The following PTPRD variants were observed in gnomAD, a reference collection of about 807,000 sequenced individuals.
PTPRD encodes protein tyrosine phosphatase receptor type D, also known as receptor-type tyrosine-protein phosphatase delta.
A neutral mutation model predicts 214.5 loss-of-function variants in PTPRD; 34 were observed. The observed-to-expected ratio is 0.16, with a 90% CI of 0.12 to 0.21. The LOEUF (loss-of-function observed/expected upper bound fraction) is 0.21, where lower values mean the gene tolerates loss of function less well. PTPRD is among the 10% of genes least tolerant of loss of function. The pLI, the probability that PTPRD is intolerant of heterozygous loss-of-function variation, is 1.00. For missense variants in PTPRD, 2,545 were observed against 2,398.7 expected, an observed-to-expected ratio of 1.06 and a Z score of -1.27; for synonymous variants, 1,128 against 845.7, an observed-to-expected ratio of 1.33 and a Z score of -5.79.
chr9:9,206,319 T>C (rs1490706233), intron 9 of PTPRD, among the ~76,000 whole-genome samples: 1 of 152,068 alleles, frequency 6.6e-6, no homozygotes, highest in Non-Finnish European at 1.5e-5. Flanking sequence ...CATTGGAGGG[T>C]TGTGCGTAAA....
intron 5 of PTPRD, among the ~76,000 whole-genome samples, chr9:9,839,187 G>T (rs1273971744): frequency 6.6e-6 from 1 of 151,690 alleles, no homozygotes; most frequent in Non-Finnish European, 1.5e-5. Flanking sequence ...GTATAGTGTT[G>T]GAAGTTCTGG....
chr9:8,900,661 G>A (rs1055285972), intron 11 of PTPRD, among the ~76,000 whole-genome samples: 1 of 152,158 alleles, frequency 6.6e-6, no homozygotes, highest in Non-Finnish European at 1.5e-5. Context: ...TGATAGTATA[G>A]CAGTATGAGT....
intron 10 of PTPRD, among the ~76,000 whole-genome samples, chr9:9,068,338 T>C (rs1359178770): frequency 6.6e-6 from 1 of 152,162 alleles, no homozygotes; most frequent in Non-Finnish European, 1.5e-5. Context: ...TTAACATAGG[T>C]TTCCCCCTCC....
chr9:9,725,033 G>A (rs905482199), intron 7 of PTPRD, among the ~76,000 whole-genome samples: 38 of 152,246 alleles, frequency 2.5e-4, no homozygotes, highest in African/African-American at 8.2e-4. Context: ...GAAACAGGAA[G>A]ATTTCAGACT....
At position 9,808,950 on chromosome 9, in the gene PTPRD, A is replaced by AT. The variant is rs59065058; in HGVS notation, c.-367-42100dup. On this transcript the variant is annotated intron_variant, in intron 5 of 45. Coordinates refer to ENST00000381196, the MANE Select transcript of PTPRD (RefSeq NM_002839.4). ...AATGCCTGGCTAATTTTTATTTTGT[A>AT]TTTTTTTTTTTTTTTTGTAGAAACA... Among the ~76,000 whole-genome samples, 463 of 142,302 alleles carry AT rather than the reference A, an allele frequency of 3.3e-3. 1 individual carries two copies. The highest frequency in any genetic ancestry group is 5.5e-3 in the South Asian group (25 of 4,516). 93.4% of individuals were successfully genotyped at this position (142,302 alleles called of 152,430 possible).
rs930081031 is a variant in PTPRD at position 8,376,834 on chromosome 9, G to A, written c.4387-108C>T. 81 of 1,439,134 alleles carry A rather than the reference G, an allele frequency of 5.6e-5. No individual in the cohort carries two copies. In the African/African-American group the frequency reaches 1.1e-3, roughly 19 times the overall value. The allele number at this position is 1,439,134 out of a possible 1,614,324, so 89.1% of individuals were successfully genotyped here. On this transcript the variant is annotated intron_variant, in intron 37 of 45. Coordinates refer to ENST00000381196, the MANE Select transcript of PTPRD (RefSeq NM_002839.4). The stretch of plus-strand genomic sequence containing the variant: ...ACAGCTTTTCTGCACTTCATTTTAT[G>A]TTGATCTTTTTCTGGCATGCATTTT...
intron 2 of PTPRD, among the ~76,000 whole-genome samples, chr9:10,449,238 G>A (rs2098820553): frequency 1.3e-5 from 2 of 151,848 alleles, no homozygotes; most frequent in South Asian, 2.1e-4. Context: ...ACGAGGTTTC[G>A]CCGCGTTGGC....
rs146622515 is a variant in PTPRD, at chr9:10,608,310, T to C, written c.-600+4088A>G. Among the ~76,000 whole-genome samples, 197 of 152,150 alleles carry C rather than the reference T, an allele frequency of 1.3e-3. 1 individual carries two copies. Among genetic ancestry groups the C allele is most frequent in the African/African-American group, 4.4e-3 (181 of 41,546 alleles). ...AATAAAATCCAAAAATAATTATACA[T>C]GTAATATGCTCTCAGTGGCAGCAGC... is the stretch of plus-strand genomic sequence containing the variant. On this transcript the variant is annotated intron_variant, in intron 2 of 45. Coordinates refer to ENST00000381196, the MANE Select transcript of PTPRD (RefSeq NM_002839.4).
intron 23 of PTPRD, among the ~76,000 whole-genome samples, chr9:8,503,399 A>T (rs2097459908): frequency 6.6e-6 from 1 of 152,180 alleles, no homozygotes; most frequent in Non-Finnish European, 1.5e-5. Flanking sequence ...ACACAAAGAA[A>T]TCTAAGAAAA....
intron 3 of PTPRD, among the ~76,000 whole-genome samples, chr9:10,235,796 T>C (rs2099626951): frequency 6.6e-6 from 1 of 152,052 alleles, no homozygotes; most frequent in South Asian, 2.1e-4. Flanking sequence ...AATGAAATTT[T>C]AAAATGAAAA....
chr9:8,986,985 G>C (rs753489376), intron 11 of PTPRD, among the ~76,000 whole-genome samples: 1 of 151,884 alleles, frequency 6.6e-6, no homozygotes, highest in African/African-American at 2.4e-5. Context: ...CCTGTGAATT[G>C]CTTGCTTCCT....
chr9:9,110,001 C>A (rs2099803867), intron 10 of PTPRD, among the ~76,000 whole-genome samples: 2 of 152,092 alleles, frequency 1.3e-5, no homozygotes, highest in African/African-American at 4.8e-5. Context: ...AGCTTGGCAC[C>A]AAACCAGGAG....
chr9:8,435,077 C>A (rs912169944), intron 35 of PTPRD, among the ~76,000 whole-genome samples: 1 of 152,304 alleles, frequency 6.6e-6, no homozygotes, highest in East Asian at 1.9e-4. Flanking sequence ...TGCATCCTAT[C>A]AAATATGTGA....
intron 11 of PTPRD, among the ~76,000 whole-genome samples, chr9:8,944,098 G>A (rs1250839114): frequency 6.6e-6 from 1 of 152,084 alleles, no homozygotes; most frequent in East Asian, 1.9e-4. Context: ...CAAAAGATCT[G>A]AATAGGTGGT....
At chr9:8,331,437 G>C (rs912495593) in intron 44 of PTPRD, 145 bp downstream of exon 44, 2 of 964,398 alleles carry the variant, frequency 2.1e-6, no homozygotes, top group African/African-American at 1.8e-5. Flanking sequence ...TTTATGAAAA[G>C]AAAGAGAAAT....
chr9:10,447,572 G>C (rs192361512), intron 2 of PTPRD, among the ~76,000 whole-genome samples: 1 of 152,024 alleles, frequency 6.6e-6, no homozygotes, highest in East Asian at 1.9e-4. Context: ...TCCTGTTTTA[G>C]AGCATTGAAA....
intron 5 of PTPRD, among the ~76,000 whole-genome samples, chr9:9,788,567 AAAG>A (rs2098943833): frequency 6.9e-6 from 1 of 144,258 alleles, no homozygotes; most frequent in East Asian, 2.0e-4. Flanking sequence ...AAAAAAAAAG[AAAG>A]AAAAAAAAAA....
chr9:8,934,312 A>C (rs1291863636), intron 11 of PTPRD, among the ~76,000 whole-genome samples: 1 of 147,952 alleles, frequency 6.8e-6, no homozygotes, highest in Admixed American at 6.9e-5. Context: ...TACCGAAATC[A>C]AGCCCTGCAG....
intron 14 of PTPRD, among the ~76,000 whole-genome samples, chr9:8,628,088 C>A (rs2096109251): frequency 6.6e-6 from 1 of 151,768 alleles, no homozygotes; most frequent in Non-Finnish European, 1.5e-5. Context: ...CATAAAAATC[C>A]TTTTGTGTGA....
Sources: gnomAD v4.1 joint callset for allele counts (sites outside exome capture counted in the v4.1 genomes callset) on GRCh38, gnomAD v4.1.1 for gene constraint, MANE v1.5 for transcripts, NCBI Gene and HGNC (gene_info 2026-07-23, HGNC 2026-07-21) for gene names.